The following ASAP1 variants were observed in gnomAD, a reference collection of about 807,000 sequenced individuals.
ASAP1 encodes arf-GAP with SH3 domain, ANK repeat and PH domain-containing protein 1.
ASAP1 carries 43 observed loss-of-function variants against 145.2 expected under a neutral mutation model. The observed-to-expected ratio is 0.30, with a 90% CI of 0.23 to 0.38. The LOEUF (loss-of-function observed/expected upper bound fraction) is 0.38, where lower values mean the gene tolerates loss of function less well. Ranked by LOEUF, ASAP1 falls within the 10% of genes least tolerant of loss-of-function variation. The pLI is 1.00. For synonymous variants in ASAP1, 546 were observed against 515.5 expected, an observed-to-expected ratio of 1.06 and a Z score of -0.80; for missense variants, 1,018 against 1,355.3, an observed-to-expected ratio of 0.75 and a Z score of 3.91.
At chr8:130,093,487 T>C (rs1297104624) in intron 24 of ASAP1, among the ~76,000 whole-genome samples, 1 of 151,860 alleles carries the variant, frequency 6.6e-6, no homozygotes, top group East Asian at 1.9e-4. Context: ...GCCAACATGG[T>C]GAAACTCTGT....
At chr8:130,341,017 T>A in intron 3 of ASAP1, 1 of 414,902 alleles carries the variant, frequency 2.4e-6, no homozygotes. Flanking sequence ...GGTGGTTTTT[T>A]AGAGTGTTTT....
intron 3 of ASAP1, among the ~76,000 whole-genome samples, chr8:130,238,086 A>G (rs76001632): frequency 0.02 from 3,000 of 152,260 alleles, 51 homozygotes; most frequent in Middle Eastern, 0.065. Flanking sequence ...AAAGGGATAA[A>G]TGCAATGGTA....
chr8:130,301,473 G>C (rs999415829), intron 3 of ASAP1, among the ~76,000 whole-genome samples: 1 of 152,188 alleles, frequency 6.6e-6, no homozygotes, highest in Non-Finnish European at 1.5e-5. Context: ...TCTCTGCCTT[G>C]TGCTTGGCAT....
intron 3 of ASAP1, among the ~76,000 whole-genome samples, chr8:130,334,636 G>GAA (rs1824919869): frequency 6.6e-6 from 1 of 151,976 alleles, no homozygotes; most frequent in Non-Finnish European, 1.5e-5. Context: ...CAATTCAGAG[G>GAA]GAAAAAAACA....
chr8:130,242,240 C>T (rs1818569532), intron 3 of ASAP1, among the ~76,000 whole-genome samples: 1 of 134,374 alleles, frequency 7.4e-6, no homozygotes, highest in Non-Finnish European at 1.5e-5. Flanking sequence ...AACAAATACT[C>T]CTATACCAAA....
At chr8:130,183,311 C>T (rs1019399533) in intron 7 of ASAP1, among the ~76,000 whole-genome samples, 6 of 151,870 alleles carry the variant, frequency 4.0e-5, no homozygotes, top group African/African-American at 1.4e-4. Flanking sequence ...TGGAACAATG[C>T]CTTCAACATT....
At chr8:130,178,907 G>T (rs1288161624) in intron 9 of ASAP1, among the ~76,000 whole-genome samples, 1 of 151,088 alleles carries the variant, frequency 6.6e-6, no homozygotes, top group African/African-American at 2.4e-5. Flanking sequence ...AAAAAAAAAG[G>T]CAAAATGCCA....
intron 1 of ASAP1, among the ~76,000 whole-genome samples, chr8:130,406,230 C>T (rs1829021419): frequency 6.6e-6 from 1 of 151,538 alleles, no homozygotes; most frequent in East Asian, 1.9e-4. Flanking sequence ...AAAGAAAGTT[C>T]ATGATCTTAA....
chr8:130,180,853 C>T lies in ASAP1; in HGVS notation c.558G>A (p.Glu186=), dbSNP rs757345289. The T allele has an allele frequency of 9.9e-6, 16 of 1,610,842 alleles. No homozygotes were observed. The South Asian group carries it at 1.3e-4, about 13-fold the overall frequency. ...KFTKIEKEKR[E]HAKQHGMIRT... ...GGATCATCCCATGTTGTTTTGCGTGCTCTCTTTTCTCTTTCTCAATTTTTG... is the reference window on the plus strand; with the variant it reads ...GGATCATCCCATGTTGTTTTGCGTGTTCTCTTTTCTCTTTCTCAATTTTTG... Residue 186 remains glutamate, a synonymous_variant, in exon 8 of 30, where the codon GAG becomes GAA. Transcript: ENST00000518721.
intron 1 of ASAP1, among the ~76,000 whole-genome samples, chr8:130,432,103 GA>G (rs1376824011): frequency 6.1e-5 from 7 of 115,594 alleles, no homozygotes; most frequent in African/African-American, 2.0e-4. Flanking sequence ...GGAAAGGGAA[GA>G]GGGGGAGAGG....
intron 3 of ASAP1, among the ~76,000 whole-genome samples, chr8:130,242,263 A>AAC: frequency 2.1e-4 from 7 of 33,754 alleles, no homozygotes; most frequent in African/African-American, 4.8e-4. Context: ...GATTTCCTTA[A>AAC]AAAAAAAAAA....
chr8:130,117,566 T>C (rs2097558407), intron 20 of ASAP1, among the ~76,000 whole-genome samples: 1 of 152,206 alleles, frequency 6.6e-6, no homozygotes, highest in African/African-American at 2.4e-5. Flanking sequence ...ATCTGTTGCT[T>C]ACAGAACAGA....
At chr8:130,353,137 C>T (rs969410109) in intron 3 of ASAP1, among the ~76,000 whole-genome samples, 1 of 152,172 alleles carries the variant, frequency 6.6e-6, no homozygotes, top group Non-Finnish European at 1.5e-5. Context: ...CCCCTTTCTA[C>T]CCTGTTAAAG....
chr8:130,366,372 T>C (rs376152116), intron 2 of ASAP1, among the ~76,000 whole-genome samples: 1 of 152,332 alleles, frequency 6.6e-6, no homozygotes, highest in African/African-American at 2.4e-5. Context: ...ACCCACCCTT[T>C]ACCCAGAGAA....
At chr8:130,249,117 T>C (rs1819039470) in intron 3 of ASAP1, among the ~76,000 whole-genome samples, 1 of 152,122 alleles carries the variant, frequency 6.6e-6, no homozygotes, top group South Asian at 2.1e-4. Flanking sequence ...ACTTTAGGAC[T>C]TAATCATGCC....
At chr8:130,310,889 T>G (rs1398162335) in intron 3 of ASAP1, among the ~76,000 whole-genome samples, 1 of 152,214 alleles carries the variant, frequency 6.6e-6, no homozygotes, top group Non-Finnish European at 1.5e-5. Context: ...CAACATAATG[T>G]TTAAGTTACA....
At position 130,058,077 on chromosome 8, in the gene ASAP1, CT is replaced by C. The variant is rs1477440193; in HGVS notation, c.3193-2del. On this transcript the variant is annotated splice_acceptor_variant, in intron 28 of 29. Coordinates refer to ENST00000518721, the MANE Select transcript of ASAP1 (RefSeq NM_018482.4). LOFTEE classifies it high-confidence loss of function. ...TCACTCGCCTCACTTTATTTTTCCC[CT>C]TAAAGAAAGAAACTGGGTTTTAATT... The C allele has an allele frequency of 1.9e-6, 3 of 1,612,478 alleles. No individual in the cohort carries two copies. The African/African-American group carries it at 4.0e-5, about 22-fold the overall frequency.
chr8:130,133,056 G>C (rs1304707647), intron 15 of ASAP1, among the ~76,000 whole-genome samples: 1 of 151,946 alleles, frequency 6.6e-6, no homozygotes, highest in East Asian at 1.9e-4. Flanking sequence ...AAATAAGAGA[G>C]GAACATAGCA....
At chr8:130,236,672 A>C (rs1818232777) in intron 4 of ASAP1, among the ~76,000 whole-genome samples, 1 of 152,190 alleles carries the variant, frequency 6.6e-6, no homozygotes, top group Non-Finnish European at 1.5e-5. Flanking sequence ...AAATTTACTC[A>C]TAACTCTATT....
Sources: gnomAD v4.1 joint callset for allele counts (sites outside exome capture counted in the v4.1 genomes callset) on GRCh38, gnomAD v4.1.1 for gene constraint, MANE v1.5 for transcripts, NCBI Gene and HGNC (gene_info 2026-07-23, HGNC 2026-07-21) for gene names.